The following TOM1L1 variants were observed in gnomAD, a reference collection of about 807,000 sequenced individuals.
TOM1L1 encodes the protein target of myb1 like 1 membrane trafficking protein.
Under a neutral mutation model 63.4 loss-of-function variants are expected in TOM1L1, and 64 were observed. The observed-to-expected ratio is 1.01, with a 90% CI of 0.83 to 1.24. The LOEUF (loss-of-function observed/expected upper bound fraction) is 1.24. Among genes scored for constraint, TOM1L1 ranks in the 50% most tolerant of loss-of-function variants. TOM1L1 has a pLI of 0.00. For synonymous variants in TOM1L1, 166 were observed against 194.4 expected (o/e 0.85, Z 1.22); for missense variants, 536 against 567.0 (o/e 0.95, Z 0.55).
intron 15 of TOM1L1, 75 bp downstream of exon 15, chr17:54,960,702 G>C (rs1302047405): frequency 8.3e-7 from 1 of 1,209,270 alleles, no homozygotes. Flanking sequence ...TACATATTTA[G>C]TATTTAAATT....
intron 7 of TOM1L1, among the ~76,000 whole-genome samples, chr17:54,921,737 T>C (rs898745451): frequency 3.2e-4 from 48 of 151,680 alleles, no homozygotes; most frequent in African/African-American, 1.1e-3. Context: ...TCTCAAAAAA[T>C]AAAAATAAAA....
chr17:54,936,423 G>A, intron 8 of TOM1L1: 1 of 406,658 alleles, frequency 2.5e-6, no homozygotes, highest in Non-Finnish European at 4.4e-6. Flanking sequence ...CAATTTCTGG[G>A]TGATGAGTTT....
intron 7 of TOM1L1, among the ~76,000 whole-genome samples, chr17:54,919,405 T>C (rs12603494): frequency 0.023 from 3,448 of 152,310 alleles, 66 homozygotes; most frequent in East Asian, 0.11. Context: ...CATCCATCTG[T>C]GGCAAACAAT....
At chr17:54,956,054 C>A (rs1339147152) in intron 14 of TOM1L1, among the ~76,000 whole-genome samples, 2 of 152,160 alleles carry the variant, frequency 1.3e-5, no homozygotes, top group Admixed American at 1.3e-4. Flanking sequence ...AGGGCTCAAC[C>A]CTGGGTCTCA....
intron 9 of TOM1L1, 107 bp downstream of exon 9, chr17:54,936,816 C>A: frequency 2.1e-6 from 2 of 974,972 alleles, no homozygotes; most frequent in South Asian, 3.3e-5. Flanking sequence ...GATATGCATT[C>A]ATAATTTGGA....
intron 14 of TOM1L1, chr17:54,952,945 T>C (rs2049309552): frequency 1.3e-5 from 2 of 152,338 alleles, no homozygotes; most frequent in South Asian, 4.1e-4. Context: ...GAGTGAAAGT[T>C]TTAGATACTA....
intron 2 of TOM1L1, among the ~76,000 whole-genome samples, chr17:54,904,605 T>C (rs1377835861): frequency 1.3e-5 from 2 of 152,254 alleles, no homozygotes; most frequent in Non-Finnish European, 1.5e-5. Flanking sequence ...AACTCACCCA[T>C]GTTTAAGCTG....
In TOM1L1 at chr17:54,914,684, C is replaced by T; in HGVS notation, c.544C>T (p.Pro182Ser). ...TCCTCCAACATCTGTCCCTACTGCA[C>T]CAGCTCTTTCTTCTGTAATTGCTCC... is the stretch of plus-strand genomic sequence containing the variant. The part of the protein sequence containing the change: ...SNPPTSVPTA[P>S]ALSSVIAPKN... The change falls in exon 6 of 16, where the codon CCA becomes TCA. Residue 182 changes from proline (P) to serine (S), a missense_variant. Pro to Ser is a moderately conservative substitution (Grantham distance 74). Transcript: ENST00000575882. 6.2e-6 allele frequency: 10 copies of T among 1,613,998 alleles called. No individual in the cohort carries two copies. Among genetic ancestry groups the T allele is most frequent in the Non-Finnish European group, 8.5e-6 (10 of 1,179,894 alleles).
At chr17:54,914,590 G>A in intron 5 of TOM1L1, 49 bp from the exon 6 acceptor site, 2 of 1,503,238 alleles carry the variant, frequency 1.3e-6, no homozygotes, top group Non-Finnish European at 1.8e-6. Context: ...TTGGCGTTGG[G>A]TGGCTATGTT....
chr17:54,934,048 AT>A (rs1567833392), intron 8 of TOM1L1, among the ~76,000 whole-genome samples: 1 of 152,240 alleles, frequency 6.6e-6, no homozygotes, highest in Non-Finnish European at 1.5e-5. Context: ...ATAGTCACTC[AT>A]GCCTTAGTCT....
intron 15 of TOM1L1, 72 bp from the exon 16 acceptor site, chr17:54,961,163 A>G (rs1313079416): frequency 9.4e-7 from 1 of 1,064,620 alleles, no homozygotes; most frequent in Middle Eastern, 2.0e-4. Context: ...CAGTAAAGAC[A>G]AGAGAGTTAT....
At chr17:54,950,922 C>T (rs1277030379) in intron 14 of TOM1L1, among the ~76,000 whole-genome samples, 1 of 152,194 alleles carries the variant, frequency 6.6e-6, no homozygotes, top group Non-Finnish European at 1.5e-5. Flanking sequence ...GTGAGGATTT[C>T]TCCCCATCAG....
chr17:54,923,688 G>T (rs2048719971), intron 7 of TOM1L1, among the ~76,000 whole-genome samples: 1 of 152,138 alleles, frequency 6.6e-6, no homozygotes, highest in Middle Eastern at 3.4e-3. Context: ...TGAGACTATA[G>T]GTGCCTGCCA....
At chr17:54,956,181 GTCAC>G (rs1372294416) in intron 14 of TOM1L1, among the ~76,000 whole-genome samples, 25 of 152,286 alleles carry the variant, frequency 1.6e-4, no homozygotes, top group Admixed American at 1.2e-3. Context: ...GTCTCACTGT[GTCAC>G]TCAAACTAGA....
At chr17:54,954,756 G>T (rs1046550596) in intron 14 of TOM1L1, 2 of 152,192 alleles carry the variant, frequency 1.3e-5, no homozygotes, top group African/African-American at 4.8e-5. Context: ...TCTAGAATTG[G>T]CAATATAGTT....
intron 11 of TOM1L1, among the ~76,000 whole-genome samples, chr17:54,945,113 A>T (rs961596523): frequency 7.2e-5 from 11 of 152,060 alleles, no homozygotes. Context: ...TGGATTTCTT[A>T]GCTTTTGGTC....
chr17:54,930,320 C>G (rs938842472), intron 8 of TOM1L1, 114 bp downstream of exon 8: 1 of 1,449,606 alleles, frequency 6.9e-7, no homozygotes, highest in African/African-American at 1.4e-5. Flanking sequence ...ATTCTCCATT[C>G]TCAATAGGAA....
chr17:54,943,849 G>T (rs1458402330), intron 11 of TOM1L1, among the ~76,000 whole-genome samples: 1 of 150,830 alleles, frequency 6.6e-6, no homozygotes, highest in African/African-American at 2.4e-5. Flanking sequence ...GTGGTGGCAG[G>T]CACCTGTAAT....
chr17:54,950,858 A>G (rs900811309), intron 14 of TOM1L1, among the ~76,000 whole-genome samples: 1 of 152,188 alleles, frequency 6.6e-6, no homozygotes, highest in South Asian at 2.1e-4. Flanking sequence ...GTTTTTCCTC[A>G]GCTCTCACTC....
Sources: gnomAD v4.1 joint callset for allele counts (sites outside exome capture counted in the v4.1 genomes callset) on GRCh38, gnomAD v4.1.1 for gene constraint, MANE v1.5 for transcripts, NCBI Gene and HGNC (gene_info 2026-07-23, HGNC 2026-07-21) for gene names.